KCNMB2: variants seen among roughly 807,000 people sequenced by gnomAD.
The protein encoded by KCNMB2 is calcium-activated potassium channel subunit beta-2.
Under a neutral mutation model 24.5 loss-of-function variants are expected in KCNMB2, and 9 were observed. The ratio of observed to expected loss-of-function variants is 0.37; its 90% CI spans 0.22 to 0.64. The LOEUF (loss-of-function observed/expected upper bound fraction) is 0.64, where lower values mean the gene tolerates loss of function less well. KCNMB2 is among the 30% of genes least tolerant of loss of function. KCNMB2 has a pLI of 0.63. For synonymous variants in KCNMB2, 109 were observed against 104.4 expected (o/e 1.04, Z -0.27); for missense variants, 226 against 284.3 (o/e 0.79, Z 1.47).
chr3:178,539,707 A>C (rs564520592), intron 1 of KCNMB2, among the ~76,000 whole-genome samples: 14 of 152,190 alleles, frequency 9.2e-5, no homozygotes, highest in Non-Finnish European at 2.9e-5. Context: ...GTTTCTGAAA[A>C]AAGGGGAAAG....
intron 4 of KCNMB2, among the ~76,000 whole-genome samples, chr3:178,837,847 T>C (rs1715288919): frequency 6.6e-6 from 1 of 152,190 alleles, no homozygotes; most frequent in Non-Finnish European, 1.5e-5. Flanking sequence ...ACAGAATTAT[T>C]GCCATTTGTC....
intron 1 of KCNMB2, among the ~76,000 whole-genome samples, chr3:178,693,231 T>G (rs1164537351): frequency 2.6e-5 from 4 of 152,226 alleles, no homozygotes. Flanking sequence ...CCTGTTTGGA[T>G]GTCTTTTATT....
chr3:178,674,120 AT>A (rs893105955), intron 1 of KCNMB2, among the ~76,000 whole-genome samples: 11 of 148,300 alleles, frequency 7.4e-5, no homozygotes, highest in African/African-American at 1.5e-4. Flanking sequence ...TGATCTTCTG[AT>A]TTTTTTTTTA....
At chr3:178,715,409 G>A (rs1337678289) in intron 1 of KCNMB2, among the ~76,000 whole-genome samples, 1 of 149,752 alleles carries the variant, frequency 6.7e-6, no homozygotes. Context: ...GGTTGGTTGA[G>A]GCAAATAGAG....
At chr3:178,797,145 A>G (rs1030679818) in intron 1 of KCNMB2, among the ~76,000 whole-genome samples, 11 of 152,304 alleles carry the variant, frequency 7.2e-5, no homozygotes, top group African/African-American at 2.6e-4. Context: ...GAAGAAACAG[A>G]TAAATTCCTA....
intron 1 of KCNMB2, among the ~76,000 whole-genome samples, chr3:178,568,366 G>T (rs1577015756): frequency 6.6e-6 from 1 of 152,146 alleles, no homozygotes; most frequent in East Asian, 1.9e-4. Context: ...ACACCAGCTT[G>T]GATGTATGTT....
intron 1 of KCNMB2, among the ~76,000 whole-genome samples, chr3:178,537,611 A>G (rs1043357295): frequency 6.6e-6 from 1 of 152,244 alleles, no homozygotes; most frequent in African/African-American, 2.4e-5. Flanking sequence ...TAGCACAATC[A>G]GAAAAGGAAA....
chr3:178,714,976 C>T (rs1290077782), intron 1 of KCNMB2, among the ~76,000 whole-genome samples: 2 of 152,114 alleles, frequency 1.3e-5, no homozygotes, highest in African/African-American at 4.8e-5. Flanking sequence ...TATGTCTGCC[C>T]GGGCATTTTT....
chr3:178,704,092 CA>C (rs1335029601), intron 1 of KCNMB2, among the ~76,000 whole-genome samples: 4 of 152,050 alleles, frequency 2.6e-5, no homozygotes, highest in South Asian at 2.1e-4. Context: ...TAGAAATTGA[CA>C]AAGTCTTTTT....
Position 178,827,089 on chromosome 3 carries a change from C to G in KCNMB2, c.228-1089C>G, listed in dbSNP as rs559947197. Among the ~76,000 whole-genome samples, 4 of 152,272 alleles carry G rather than the reference C, an allele frequency of 2.6e-5. No individual in the cohort carries two copies. The South Asian group carries it at 8.3e-4, about 32-fold the overall frequency. On this transcript the variant is annotated intron_variant, in intron 3 of 4. Coordinates refer to ENST00000452583, the MANE Select transcript of KCNMB2 (RefSeq NM_181361.3). ...GCAAAGGGGTAGGAAGCTGTGGATG[C>G]CTGTCCAACAAAAGGAAAGCGTATT...
At chr3:178,759,636 GATATATATATATATATCTCCAA>G (rs1711623950) in intron 1 of KCNMB2, among the ~76,000 whole-genome samples, 2 of 72,884 alleles carry the variant, frequency 2.7e-5, no homozygotes, top group South Asian at 8.4e-4. Flanking sequence ...TCTCCAAGAG[GATATATATATATATATCTCCAA>G]GAGGGATATA....
intron 1 of KCNMB2, among the ~76,000 whole-genome samples, chr3:178,695,758 T>C (rs6765202): frequency 0.32 from 47,882 of 151,950 alleles, 8,037 homozygotes; most frequent in African/African-American, 0.43. Context: ...TCTAGGAAGG[T>C]CCAAACTTTC....
rs117468338 is a variant in KCNMB2 at position 178,657,411 on chromosome 3, C to T, written c.-68+120700C>T. On this transcript the variant is annotated intron_variant, in intron 1 of 4. Coordinates refer to ENST00000452583, the MANE Select transcript of KCNMB2 (RefSeq NM_181361.3). Reference sequence around the variant, plus strand: ...GCTGGACTGACCTGGGAACAAACTCCACCTCTAAACCTATGTGACCTTGTT... The same window carrying T: ...GCTGGACTGACCTGGGAACAAACTCTACCTCTAAACCTATGTGACCTTGTT... 6.2e-4 allele frequency among the ~76,000 whole-genome samples: 94 copies of T among 152,306 alleles called. 1 individual carries two copies. The East Asian group carries it at 0.017, about 28-fold the overall frequency.
At chr3:178,650,414 A>T (rs1720068985) in intron 1 of KCNMB2, among the ~76,000 whole-genome samples, 1 of 152,144 alleles carries the variant, frequency 6.6e-6, no homozygotes, top group South Asian at 2.1e-4. Context: ...TGTCTCGATG[A>T]TCTGTCTAAT....
intron 1 of KCNMB2, among the ~76,000 whole-genome samples, chr3:178,575,822 C>T (rs1371230533): frequency 3.3e-5 from 5 of 152,024 alleles, no homozygotes; most frequent in African/African-American, 4.8e-5. Flanking sequence ...TTTTTATGTC[C>T]ATATATTTAT....
chr3:178,838,765 G>A (rs776748913), intron 4 of KCNMB2, among the ~76,000 whole-genome samples: 4 of 152,040 alleles, frequency 2.6e-5, no homozygotes, highest in South Asian at 2.1e-4. Flanking sequence ...AAGTTCACCC[G>A]CTTCCTTATC....
chr3:178,758,627 T>C (rs1310565537), intron 1 of KCNMB2, among the ~76,000 whole-genome samples: 1 of 71,298 alleles, frequency 1.4e-5, no homozygotes, highest in East Asian at 4.3e-4. Context: ...TATATATATA[T>C]ATATCTCTCT....
At chr3:178,653,533 T>C (rs1233007854) in intron 1 of KCNMB2, among the ~76,000 whole-genome samples, 1 of 152,158 alleles carries the variant, frequency 6.6e-6, no homozygotes, top group Non-Finnish European at 1.5e-5. Flanking sequence ...AAGTACGATG[T>C]TTGCTCTAGC....
At chr3:178,570,949 C>T (rs1451267077) in intron 1 of KCNMB2, among the ~76,000 whole-genome samples, 1 of 152,118 alleles carries the variant, frequency 6.6e-6, no homozygotes, top group African/African-American at 2.4e-5. Flanking sequence ...ATGTTCATCA[C>T]TTTGGGATTG....
Sources: gnomAD v4.1 joint callset for allele counts (sites outside exome capture counted in the v4.1 genomes callset) on GRCh38, gnomAD v4.1.1 for gene constraint, MANE v1.5 for transcripts, NCBI Gene and HGNC (gene_info 2026-07-23, HGNC 2026-07-21) for gene names.